The following NRXN3 variants were observed in gnomAD, a reference collection of about 807,000 sequenced individuals.
NRXN3 encodes the protein neurexin III.
NRXN3 carries 32 observed loss-of-function variants against 137.6 expected under a neutral mutation model. The observed-to-expected ratio is 0.23, with a 90% CI of 0.18 to 0.31. The LOEUF (loss-of-function observed/expected upper bound fraction) is 0.31. Ranked by LOEUF, NRXN3 falls within the 10% of genes least tolerant of loss-of-function variation. The probability of loss-of-function intolerance (pLI) is 1.00; values close to 1 mark genes in which losing one functional copy is unlikely to be tolerated. For missense variants in NRXN3, 1,574 were observed against 2,062.5 expected, an observed-to-expected ratio of 0.76 and a Z score of 4.59; for synonymous variants, 798 against 784.5, an observed-to-expected ratio of 1.02 and a Z score of -0.29.
chr14:79,029,905 G>A (rs538783712), intron 15 of NRXN3, among the ~76,000 whole-genome samples: 1 of 151,802 alleles, frequency 6.6e-6, no homozygotes, highest in African/African-American at 2.4e-5. Context: ...TGAGTGCATT[G>A]GCATGATCTC....
intron 15 of NRXN3, among the ~76,000 whole-genome samples, chr14:79,287,316 G>T (rs1253989890): frequency 6.6e-6 from 1 of 152,164 alleles, no homozygotes; most frequent in Non-Finnish European, 1.5e-5. Flanking sequence ...GCAAATTTTA[G>T]CATGGACCAA....
At position 78,707,369 on chromosome 14, in the gene NRXN3, C is replaced by T. The variant is rs892403335; in HGVS notation, c.1222-1848C>T. Among the ~76,000 whole-genome samples the T allele has an allele frequency of 3.3e-5, 5 of 152,200 alleles. No homozygotes were observed. In the South Asian group the frequency reaches 8.3e-4, roughly 25 times the overall value. On this transcript the variant is annotated intron_variant, in intron 6 of 20. Transcript: ENST00000335750. ...CTCAGATCCTTGTCTATTTCCCTTC[C>T]ATTGTTTTCTGCTTATTAAGTTTTT...
chr14:79,569,116 T>C (rs2097574884), intron 16 of NRXN3, among the ~76,000 whole-genome samples: 2 of 152,064 alleles, frequency 1.3e-5, no homozygotes, highest in African/African-American at 4.8e-5. Flanking sequence ...CAAACACAGA[T>C]CTAAGATGTA....
chr14:79,062,585 G>A (rs555002029), intron 15 of NRXN3, among the ~76,000 whole-genome samples: 75 of 152,316 alleles, frequency 4.9e-4, no homozygotes, highest in South Asian at 1.9e-3. Flanking sequence ...GGGAGCAAGA[G>A]CAATGATGAC....
At chr14:79,116,107 A>G (rs1382151306) in intron 15 of NRXN3, among the ~76,000 whole-genome samples, 2 of 152,176 alleles carry the variant, frequency 1.3e-5, no homozygotes, top group Non-Finnish European at 2.9e-5. Context: ...ATAGCACAAA[A>G]TTCAATTGCT....
chr14:78,922,068 T>C (rs1205232496), intron 10 of NRXN3, among the ~76,000 whole-genome samples: 1 of 152,198 alleles, frequency 6.6e-6, no homozygotes, highest in Non-Finnish European at 1.5e-5. Context: ...CCCTGGTGAT[T>C]TCGCTATCAA....
chr14:78,822,952 A>C (rs2098955372), intron 10 of NRXN3, among the ~76,000 whole-genome samples: 1 of 152,144 alleles, frequency 6.6e-6, no homozygotes, highest in Non-Finnish European at 1.5e-5. Context: ...CTCTGTAGGT[A>C]GTCTTTCTGA....
At chr14:78,182,922 G>C (rs2059937242) in intron 1 of NRXN3, among the ~76,000 whole-genome samples, 1 of 152,210 alleles carries the variant, frequency 6.6e-6, no homozygotes, top group Admixed American at 6.5e-5. Flanking sequence ...TCTGGAGCCA[G>C]GGCCTCTTGT....
rs116157644 is a variant in NRXN3 at position 79,146,737 on chromosome 14, C to T, written c.3262+158596C>T. 2.7e-3 allele frequency among the ~76,000 whole-genome samples: 411 copies of T among 152,264 alleles called. 1 individual carries two copies. The highest frequency in any genetic ancestry group is 9.6e-3 in the African/African-American group (399 of 41,558). ...AGGACAGCAAAGCAGAATCCATCTC[C>T]TTGGGCAAAGCTTCAGGAAAGCCCT... is the stretch of plus-strand genomic sequence containing the variant. On this transcript the variant is annotated intron_variant, in intron 15 of 20. Transcript: ENST00000335750.
intron 16 of NRXN3, among the ~76,000 whole-genome samples, chr14:79,570,246 C>G (rs1009938251): frequency 2.0e-5 from 3 of 152,062 alleles, no homozygotes; most frequent in African/African-American, 7.2e-5. Flanking sequence ...TTGTAAAGTC[C>G]CTGAAGCAAT....
At chr14:78,733,275 G>A (rs2098525444) in intron 8 of NRXN3, among the ~76,000 whole-genome samples, 2 of 152,114 alleles carry the variant, frequency 1.3e-5, no homozygotes, top group South Asian at 2.1e-4. Flanking sequence ...ACGGTGATAG[G>A]TTCAGGGCAC....
chr14:78,179,850 T>G (rs573221579), intron 1 of NRXN3, among the ~76,000 whole-genome samples: 32 of 149,212 alleles, frequency 2.1e-4, no homozygotes, highest in Admixed American at 7.3e-4. Context: ...TTGTTTTTTT[T>G]TTTTTCTTGT....
chr14:79,622,275 T>A (rs1190803838), intron 16 of NRXN3, among the ~76,000 whole-genome samples: 3 of 152,216 alleles, frequency 2.0e-5, no homozygotes, highest in Non-Finnish European at 2.9e-5. Context: ...GTAGAAGTGA[T>A]CCTTTTGTCA....
chr14:78,573,785 A>G (rs1025969228), intron 4 of NRXN3, among the ~76,000 whole-genome samples: 10 of 152,204 alleles, frequency 6.6e-5, no homozygotes, highest in African/African-American at 1.2e-4. Context: ...AGAAAAACCC[A>G]TTTTCTGAGG....
intron 15 of NRXN3, among the ~76,000 whole-genome samples, chr14:79,307,540 C>T (rs74067998): frequency 0.019 from 2,871 of 152,140 alleles, 105 homozygotes; most frequent in African/African-American, 0.065. Flanking sequence ...CCTAGCTGGG[C>T]TCAGGGTCTC....
chr14:78,591,525 A>G (rs1429675110), intron 4 of NRXN3, among the ~76,000 whole-genome samples: 1 of 152,140 alleles, frequency 6.6e-6, no homozygotes, highest in Non-Finnish European at 1.5e-5. Context: ...AAGACTCACA[A>G]TTATGTCAAT....
At chr14:79,351,462 T>C (rs564991732) in intron 15 of NRXN3, among the ~76,000 whole-genome samples, 1 of 152,316 alleles carries the variant, frequency 6.6e-6, no homozygotes, top group African/African-American at 2.4e-5. Context: ...AACATATGTG[T>C]ATACTTGGCC....
intron 15 of NRXN3, among the ~76,000 whole-genome samples, chr14:79,227,135 G>GAA (rs202049194): frequency 6.6e-6 from 1 of 151,244 alleles, no homozygotes; most frequent in Non-Finnish European, 1.5e-5. Flanking sequence ...ATTTTAAAAT[G>GAA]AAAAAATATA....
At chr14:79,292,842 T>C (rs1267648254) in intron 15 of NRXN3, among the ~76,000 whole-genome samples, 1 of 152,192 alleles carries the variant, frequency 6.6e-6, no homozygotes, top group East Asian at 1.9e-4. Flanking sequence ...AATGTAAAGA[T>C]CAGACATGAG....
Sources: gnomAD v4.1 joint callset for allele counts (sites outside exome capture counted in the v4.1 genomes callset) on GRCh38, gnomAD v4.1.1 for gene constraint, MANE v1.5 for transcripts, NCBI Gene and HGNC (gene_info 2026-07-23, HGNC 2026-07-21) for gene names.